PLCB4: variants seen among roughly 807,000 people sequenced by gnomAD.
PLCB4 encodes phospholipase C beta 4, also known as 1-phosphatidylinositol 4,5-bisphosphate phosphodiesterase beta-4.
A neutral mutation model predicts 178.8 loss-of-function variants in PLCB4; 77 were observed. The ratio of observed to expected loss-of-function variants is 0.43; its 90% CI spans 0.36 to 0.52. The LOEUF is 0.52. Among genes scored for constraint, PLCB4 ranks in the 20% least tolerant of loss-of-function variants. The pLI is 0.00. For missense variants in PLCB4, 1,024 were observed against 1,453.4 expected (o/e 0.70, Z 4.80); for synonymous variants, 496 against 490.8 (o/e 1.01, Z -0.14).
chr20:9,141,372 GTTC>G (rs2092486751), intron 2 of PLCB4, among the ~76,000 whole-genome samples: 1 of 152,162 alleles, frequency 6.6e-6, no homozygotes, highest in African/African-American at 2.4e-5. Flanking sequence ...TTTTTGTCCA[GTTC>G]TTCTGTGGCA....
intron 3 of PLCB4, among the ~76,000 whole-genome samples, chr20:9,248,757 G>A (rs1306718672): frequency 6.6e-6 from 1 of 152,122 alleles, no homozygotes. Flanking sequence ...CTTCAAGGCA[G>A]GTTCCTTTAT....
intron 4 of PLCB4, among the ~76,000 whole-genome samples, chr20:9,322,487 A>G (rs1247774615): frequency 6.6e-6 from 1 of 152,198 alleles, no homozygotes; most frequent in Non-Finnish European, 1.5e-5. Flanking sequence ...TGCTTTGTCA[A>G]GAACGTTAAT....
At chr20:9,223,684 C>T (rs1336224765) in intron 3 of PLCB4, among the ~76,000 whole-genome samples, 2 of 152,196 alleles carry the variant, frequency 1.3e-5, no homozygotes, top group African/African-American at 4.8e-5. Flanking sequence ...TTCTGTCCAA[C>T]CAGGTGGAAG....
At chr20:9,157,399 G>T (rs1344256194) in intron 2 of PLCB4, among the ~76,000 whole-genome samples, 1 of 152,174 alleles carries the variant, frequency 6.6e-6, no homozygotes. Flanking sequence ...ATGTTAAAAT[G>T]CTGAAGGAAC....
chr20:9,100,882 A>G (rs2091119790), intron 2 of PLCB4, among the ~76,000 whole-genome samples: 2 of 152,126 alleles, frequency 1.3e-5, no homozygotes, highest in East Asian at 1.9e-4. Flanking sequence ...GACCATCTGC[A>G]TCATCTCGAC....
chr20:9,284,252 C>T (rs2094518299), intron 3 of PLCB4, among the ~76,000 whole-genome samples: 1 of 151,854 alleles, frequency 6.6e-6, no homozygotes. Flanking sequence ...CTATGATCTG[C>T]AGGCAGTGAG....
chr20:9,438,457 A>G (rs376902663), intron 30 of PLCB4, among the ~76,000 whole-genome samples: 12 of 152,158 alleles, frequency 7.9e-5, no homozygotes, highest in African/African-American at 2.9e-4. Flanking sequence ...CTCAGACTTC[A>G]AGGACAGATC....
intron 3 of PLCB4, among the ~76,000 whole-genome samples, chr20:9,300,004 G>A (rs968558387): frequency 6.6e-6 from 1 of 151,980 alleles, no homozygotes; most frequent in Non-Finnish European, 1.5e-5. Flanking sequence ...TTTGCAAATG[G>A]GGAAGTTATC....
intron 30 of PLCB4, among the ~76,000 whole-genome samples, chr20:9,440,472 C>T (rs1056593316): frequency 6.6e-6 from 1 of 152,218 alleles, no homozygotes. Flanking sequence ...CATATGCTCT[C>T]TACTGAATGC....
intron 2 of PLCB4, among the ~76,000 whole-genome samples, chr20:9,099,145 G>A (rs2091044387): frequency 6.6e-6 from 1 of 151,876 alleles, no homozygotes; most frequent in African/African-American, 2.4e-5. Context: ...CATTAAACAT[G>A]GTTCTCATAA....
chr20:9,205,335 G>A (rs536781617), intron 2 of PLCB4, among the ~76,000 whole-genome samples: 2 of 152,318 alleles, frequency 1.3e-5, no homozygotes, highest in South Asian at 4.1e-4. Flanking sequence ...TGTTTGGCAT[G>A]TTAGGTATGT....
intron 7 of PLCB4, among the ~76,000 whole-genome samples, chr20:9,356,737 A>C (rs1424101860): frequency 6.6e-6 from 1 of 152,236 alleles, no homozygotes. Flanking sequence ...TTATTTGAGC[A>C]GATTAAAACT....
intron 2 of PLCB4, among the ~76,000 whole-genome samples, chr20:9,216,543 A>G (rs1405491170): frequency 6.6e-6 from 1 of 151,942 alleles, no homozygotes; most frequent in East Asian, 1.9e-4. Context: ...TCCGTTGCCC[A>G]GGCTGGAGTG....
intron 2 of PLCB4, among the ~76,000 whole-genome samples, chr20:9,191,138 A>G (rs2093396907): frequency 6.6e-6 from 1 of 152,202 alleles, no homozygotes; most frequent in Non-Finnish European, 1.5e-5. Flanking sequence ...GAACACAAAC[A>G]TGAACCTTAG....
intron 2 of PLCB4, among the ~76,000 whole-genome samples, chr20:9,194,692 C>CA (rs555217572): frequency 0.048 from 1,812 of 38,146 alleles, 35 homozygotes; most frequent in Middle Eastern, 0.074. Context: ...GACTCCATCT[C>CA]AAAAAAAAAA....
At position 9,421,069 on chromosome 20, in the gene PLCB4, T is replaced by A. The variant is rs563049473; in HGVS notation, c.2155-228T>A. On this transcript the variant is annotated intron_variant, in intron 26 of 39. Transcript: ENST00000378473. ...ATATATTTTTTCTTTGTTTTTTTTCTAGACAGTTCTAGAAGGTAGAACATC... is the reference window on the plus strand; with the variant it reads ...ATATATTTTTTCTTTGTTTTTTTTCAAGACAGTTCTAGAAGGTAGAACATC... Among the ~76,000 whole-genome samples the A allele has an allele frequency of 1.4e-4, 21 of 152,190 alleles. 1 individual carries two copies. The East Asian group carries it at 4.1e-3, about 29-fold the overall frequency.
intron 36 of PLCB4, among the ~76,000 whole-genome samples, chr20:9,472,302 G>A (rs1451994252): frequency 6.6e-6 from 1 of 152,196 alleles, no homozygotes; most frequent in Non-Finnish European, 1.5e-5. Context: ...AGTCACTAAG[G>A]GGAAGGCACA....
At chr20:9,460,622 C>G (rs1432633981) in intron 35 of PLCB4, among the ~76,000 whole-genome samples, 1 of 152,210 alleles carries the variant, frequency 6.6e-6, no homozygotes, top group Non-Finnish European at 1.5e-5. Flanking sequence ...ATCTTTTTAT[C>G]ATAGCTCGGT....
chr20:9,224,134 A>C (rs1035733381), intron 3 of PLCB4, among the ~76,000 whole-genome samples: 2 of 152,212 alleles, frequency 1.3e-5, no homozygotes, highest in African/African-American at 4.8e-5. Flanking sequence ...AGGAGTGTTG[A>C]AGTCACAATG....
Sources: allele counts gnomAD v4.1 joint callset (sites outside exome capture counted in the v4.1 genomes callset), GRCh38; gene constraint gnomAD v4.1.1; transcripts MANE v1.5; gene names NCBI Gene and HGNC (gene_info 2026-07-23, HGNC 2026-07-21).